DRC1: variants seen among roughly 807,000 people sequenced by gnomAD.
DRC1 encodes dynein regulatory complex protein 1.
DRC1 carries 74 observed loss-of-function variants against 98.7 expected under a neutral mutation model. The observed-to-expected ratio is 0.75, with a 90% CI of 0.62 to 0.91. The LOEUF (loss-of-function observed/expected upper bound fraction) is 0.91. Ranked by LOEUF, DRC1 falls within the 40% of genes least tolerant of loss-of-function variation. DRC1 has a pLI of 0.00. For missense variants in DRC1, 875 were observed against 886.0 expected (o/e 0.99, Z 0.16); for synonymous variants, 336 against 334.1 (o/e 1.01, Z -0.06).
chr2:26,430,455 T>A, intron 5 of DRC1: 1 of 487,066 alleles, frequency 2.1e-6, no homozygotes, highest in Non-Finnish European at 4.2e-6. Flanking sequence ...TCAGTGGTAG[T>A]CACAGTTGAA....
intron 3 of DRC1, among the ~76,000 whole-genome samples, chr2:26,423,647 A>G (rs1270125488): frequency 6.6e-6 from 1 of 152,190 alleles, no homozygotes; most frequent in African/African-American, 2.4e-5. Flanking sequence ...TTTATTGGTA[A>G]CTTGGGAGAG....
At chr2:26,413,446 A>G (rs1351047486) in intron 1 of DRC1, among the ~76,000 whole-genome samples, 1 of 152,206 alleles carries the variant, frequency 6.6e-6, no homozygotes, top group Non-Finnish European at 1.5e-5. Context: ...ACACGTTGTT[A>G]TACTTTACAT....
chr2:26,418,603 A>ATATAAATTATATATAATTTATATAT (rs1490605406), intron 2 of DRC1, among the ~76,000 whole-genome samples: 12 of 93,378 alleles, frequency 1.3e-4, no homozygotes, highest in African/African-American at 2.7e-4. Flanking sequence ...AATTTATATA[A>ATATAAATTATATATAATTTATATAT]TATATAAATT....
rs147970345 is a variant in DRC1 at position 26,455,189 on chromosome 2, A to C, written c.2122A>C (p.Asn708His). 1.3e-4 allele frequency: 213 copies of C among 1,614,124 alleles called. No homozygotes were observed. The African/African-American group carries it at 2.5e-3, about 19-fold the overall frequency. Residue 708 changes from asparagine to histidine, a missense_variant, in exon 16 of 17, where the codon AAC (asparagine) becomes CAC (histidine). Transcript: ENST00000288710. ...GGAAAACAGTTCTCTGGAGCAGCAG[A>C]ACACAGAGCTGCAGGCGCTACTGCA... ...LLENSSLEQQ[N>H]TELQALLQQY...
chr2:26,424,423 A>G lies in DRC1; in HGVS notation c.509A>G (p.Asp170Gly), dbSNP rs1306411103. 3 of 1,613,378 alleles carry G rather than the reference A, an allele frequency of 1.9e-6. No homozygotes were observed. Among genetic ancestry groups the G allele is most frequent in the African/African-American group, 1.3e-5 (1 of 74,884 alleles). ...QQLHCAGLLE[D>G]KNKLISELQQ... Reference sequence around the variant, plus strand: ...CTGCACTGTGCTGGACTCTTAGAAGATAAGAATAAACTCATCAGCGAGTTA... The same window carrying G: ...CTGCACTGTGCTGGACTCTTAGAAGGTAAGAATAAACTCATCAGCGAGTTA... Residue 170 changes from aspartate to glycine, a missense_variant, in exon 4 of 17, where the codon GAT becomes GGT. Asp to Gly is a moderately conservative substitution (Grantham distance 94, BLOSUM62 -1). Coordinates refer to ENST00000288710, the MANE Select transcript of DRC1 (RefSeq NM_145038.5).
intron 1 of DRC1, among the ~76,000 whole-genome samples, chr2:26,409,098 A>AC: frequency 7.1e-6 from 1 of 141,798 alleles, no homozygotes; most frequent in East Asian, 2.0e-4. Context: ...TGCCCGGCTA[A>AC]TTTTTTTTTT....
At chr2:26,427,387 A>AT (rs1336756776) in intron 4 of DRC1, among the ~76,000 whole-genome samples, 1 of 152,054 alleles carries the variant, frequency 6.6e-6, no homozygotes, top group East Asian at 1.9e-4. Context: ...AAGTGTTGGG[A>AT]TTACAGTTGT....
intron 9 of DRC1, 81 bp downstream of exon 9, chr2:26,444,437 T>C (rs751645618): frequency 9.7e-6 from 15 of 1,543,670 alleles, no homozygotes; most frequent in East Asian, 6.8e-5. Context: ...TGTGATTTCG[T>C]TGGACTTGAT....
intron 6 of DRC1, 86 bp downstream of exon 6, chr2:26,430,958 C>CATT: frequency 2.9e-6 from 1 of 344,492 alleles, no homozygotes; most frequent in Non-Finnish European, 4.6e-6. Flanking sequence ...CTTTTTCTAT[C>CATT]TTTTTTTTTT....
chr2:26,455,774 G>A (rs1664142352), intron 16 of DRC1, among the ~76,000 whole-genome samples: 1 of 152,240 alleles, frequency 6.6e-6, no homozygotes, highest in African/African-American at 2.4e-5. Context: ...ATATTCCCTG[G>A]CCCCCATCTG....
intron 1 of DRC1, among the ~76,000 whole-genome samples, chr2:26,411,809 A>T (rs1678618880): frequency 6.6e-6 from 1 of 151,722 alleles, no homozygotes; most frequent in South Asian, 2.1e-4. Context: ...AAAAAAAAAA[A>T]TTATAGCATA....
At chr2:26,441,068 C>T (rs569690772) in intron 8 of DRC1, among the ~76,000 whole-genome samples, 1 of 152,334 alleles carries the variant, frequency 6.6e-6, no homozygotes, top group South Asian at 2.1e-4. Flanking sequence ...TACCGTGGCT[C>T]ACTGAAAGGT....
rs557486214 is a variant in DRC1, at chr2:26,417,268, T to C, written c.243+2837T>C. Among the ~76,000 whole-genome samples, 6 of 152,306 alleles carry C rather than the reference T, an allele frequency of 3.9e-5. No individual in the cohort carries two copies. In the East Asian group the frequency reaches 1.2e-3, roughly 29 times the overall value. On this transcript the variant is annotated intron_variant, in intron 2 of 16. Transcript: ENST00000288710. ...TGTAGCTTTATGACAGTTCTTGATGTCTGGTAAGGTAAGTTCTCTAACTGT... is the reference window on the plus strand; with the variant it reads ...TGTAGCTTTATGACAGTTCTTGATGCCTGGTAAGGTAAGTTCTCTAACTGT...
chr2:26,411,384 A>G (rs1558434240), intron 1 of DRC1, among the ~76,000 whole-genome samples: 1 of 152,216 alleles, frequency 6.6e-6, no homozygotes, highest in East Asian at 1.9e-4. Flanking sequence ...TATTGCAAAT[A>G]TTTTTTGTTC....
At chr2:26,426,375 T>A (rs1434014336) in intron 4 of DRC1, among the ~76,000 whole-genome samples, 1 of 151,808 alleles carries the variant, frequency 6.6e-6, no homozygotes, top group African/African-American at 2.4e-5. Flanking sequence ...TGTTTATTTT[T>A]TTTTTTTTTG....
intron 1 of DRC1, among the ~76,000 whole-genome samples, chr2:26,412,752 C>T (rs1200552468): frequency 6.6e-6 from 1 of 152,084 alleles, no homozygotes; most frequent in Non-Finnish European, 1.5e-5. Flanking sequence ...CAGAAAATGT[C>T]CTGTGCACAT....
chr2:26,440,571 G>A (rs1435920309), intron 8 of DRC1, 54 bp downstream of exon 8: 17 of 1,551,884 alleles, frequency 1.1e-5, no homozygotes, highest in South Asian at 2.5e-5. Context: ...TGAGAATAGG[G>A]ATGGATATGT....
chr2:26,421,408 C>G lies in DRC1; in HGVS notation c.356+8C>G, dbSNP rs749365742. ...GGAGATAAAGCGTCAAAGGTAAGGA[C>G]TGTGCTACTCTGCAGCTGGTGGACA... On this transcript the variant is annotated splice_region_variant and intron_variant, in intron 3 of 16. Transcript: ENST00000288710. 1 of 1,608,896 alleles carries G rather than the reference C, an allele frequency of 6.2e-7. No individual in the cohort carries two copies. Among genetic ancestry groups the G allele is most frequent in the African/African-American group, 1.3e-5 (1 of 74,892 alleles).
Position 26,454,661 on chromosome 2 carries a change from C to T in DRC1, c.1934C>T (p.Pro645Leu), listed in dbSNP as rs141143302. 7.5e-5 allele frequency: 121 copies of T among 1,613,978 alleles called. No homozygotes were observed. Among genetic ancestry groups the T allele is most frequent in the South Asian group, 5.9e-4 (54 of 91,092 alleles). ...GLKKPRDSRA[P>L]LRVQKNVRDN... Reference sequence around the variant, plus strand: ...TTGGCCTTCAGGGACTCGCGGGCCCCGCTGAGGGTACAGAAGAATGTGCGT... The same window carrying T: ...TTGGCCTTCAGGGACTCGCGGGCCCTGCTGAGGGTACAGAAGAATGTGCGT... The change falls in exon 15 of 17, where the codon CCG becomes CTG. Residue 645 changes from proline to leucine, a missense_variant. Transcript: ENST00000288710. This position sits in a 1 kb window ranked among gnomAD's most constrained non-coding sequence, Gnocchi z 5.2.
Sources: allele counts gnomAD v4.1 joint callset (sites outside exome capture counted in the v4.1 genomes callset), GRCh38; gene constraint gnomAD v4.1.1; non-coding constraint Gnocchi (gnomAD v3.1); transcripts MANE v1.5; gene names NCBI Gene and HGNC (gene_info 2026-07-23, HGNC 2026-07-21).